SCN11A: variants seen among roughly 807,000 people sequenced by gnomAD.
SCN11A encodes the protein sodium voltage-gated channel alpha subunit 11, also known as sodium channel protein type 11 subunit alpha.
SCN11A carries 122 observed loss-of-function variants against 162.2 expected under a neutral mutation model. The observed-to-expected ratio is 0.75, with a 90% CI of 0.65 to 0.87. SCN11A has a LOEUF of 0.87. Among genes scored for constraint, SCN11A ranks in the 40% least tolerant of loss-of-function variants. SCN11A has a pLI of 0.00. For synonymous variants in SCN11A, 758 were observed against 751.5 expected (o/e 1.01, Z -0.14); for missense variants, 2,015 against 2,181.6 (o/e 0.92, Z 1.52).
At position 38,863,263 on chromosome 3, in the gene SCN11A, T is replaced by C. The variant is rs1553632620; in HGVS notation, c.3988A>G (p.Lys1330Glu). Residue 1330 changes from lysine to glutamate, a missense_variant, in exon 28 of 30, where the codon AAG becomes GAG. Lys to Glu is a moderately conservative substitution (Grantham distance 56). Transcript: ENST00000302328. ...TTTTTCATTGCATTATAGTATTTCT[T>C]CTGTTCTTCTGTCATAAAAATGTCT... ...GQDIFMTEEQ[K>E]KYYNAMKKLG... 6.2e-7 allele frequency: 1 copy of C among 1,606,486 alleles called. No homozygotes were observed. The highest frequency in any genetic ancestry group is 1.3e-5 in the African/African-American group (1 of 74,716).
chr3:38,947,506 G>T (rs976003628), intron 5 of SCN11A, among the ~76,000 whole-genome samples: 1 of 152,214 alleles, frequency 6.6e-6, no homozygotes, highest in African/African-American at 2.4e-5. Context: ...ATTTGGAAAT[G>T]TGTGTGAGTA....
intron 2 of SCN11A, among the ~76,000 whole-genome samples, chr3:38,974,694 C>CAAAAAAAAAAAAAAAAAAAAAAA: frequency 2.1e-5 from 1 of 48,142 alleles, no homozygotes; most frequent in Non-Finnish European, 4.7e-5. Flanking sequence ...GACTCCGTCT[C>CAAAAAAAAAAAAAAAAAAAAAAA]AAAAAAAAAA....
intron 2 of SCN11A, among the ~76,000 whole-genome samples, chr3:38,975,044 C>T (rs185006540): frequency 6.6e-6 from 1 of 150,760 alleles, no homozygotes; most frequent in Admixed American, 6.6e-5. Context: ...TAAAAGAATA[C>T]AGAAATCAGT....
intron 2 of SCN11A, among the ~76,000 whole-genome samples, chr3:39,018,339 C>T (rs71323691): frequency 0.021 from 3,147 of 152,108 alleles, 57 homozygotes; most frequent in Non-Finnish European, 0.029. Context: ...GTCCTGAAAA[C>T]TCCGGGTGTT....
Position 38,909,114 on chromosome 3 carries a change from TAA to T in SCN11A, c.1180_1181del (p.Leu394AsnfsTer10). On this transcript the variant is annotated frameshift_variant, in exon 13 of 30. Coordinates refer to ENST00000302328, the MANE Select transcript of SCN11A (RefSeq NM_001349253.2). LOFTEE classifies it high-confidence loss of function. Reference protein sequence around the residue: ...IFLGSFYLINLTLAVVTMAYE... With the variant: ...IFLGSFYLINXTLAVVTMAYE... ...ATGCCATGGTAACAACAGCCAGGGT[TAA>T]GTTAATCAGGTAGAAGGAGCCCAGG... 6.2e-7 allele frequency: 1 copy of T among 1,614,082 alleles called. No homozygotes were observed. The highest frequency in any genetic ancestry group is 8.5e-7 in the Non-Finnish European group (1 of 1,180,010).
At chr3:38,896,646 T>G (rs940507876) in intron 18 of SCN11A, among the ~76,000 whole-genome samples, 199 bp downstream of exon 18, 4 of 152,170 alleles carry the variant, frequency 2.6e-5, no homozygotes, top group African/African-American at 7.2e-5. Flanking sequence ...ATCAGTCAAA[T>G]GAGTAATATG....
intron 19 of SCN11A, among the ~76,000 whole-genome samples, chr3:38,894,196 C>T (rs1414616562): frequency 6.6e-6 from 1 of 152,078 alleles, no homozygotes; most frequent in Non-Finnish European, 1.5e-5. Flanking sequence ...ACAAACAAAA[C>T]ATGCTATTCA....
intron 20 of SCN11A, 31 bp from the exon 21 acceptor site, chr3:38,885,433 C>T (rs1266106171): frequency 8.2e-7 from 1 of 1,213,002 alleles, no homozygotes; most frequent in East Asian, 2.3e-5. Context: ...AAGGGGGTGC[C>T]TTTTACTAAG....
At chr3:38,928,370 T>TG (rs1330625448) in intron 7 of SCN11A, among the ~76,000 whole-genome samples, 1 of 144,564 alleles carries the variant, frequency 6.9e-6, no homozygotes, top group Non-Finnish European at 1.5e-5. Context: ...TGGGGCCTGT[T>TG]GGGGGTGGGG....
chr3:38,905,359 G>A, intron 14 of SCN11A, 38 bp from the exon 15 acceptor site: 1 of 1,593,726 alleles, frequency 6.3e-7, no homozygotes, highest in Non-Finnish European at 8.5e-7. Flanking sequence ...TAAAGACAGG[G>A]GCTGCCTCTC....
chr3:38,867,206 A>T, intron 27 of SCN11A, 115 bp downstream of exon 27: 1 of 959,908 alleles, frequency 1.0e-6, no homozygotes, highest in Non-Finnish European at 1.6e-6. Context: ...CCTCCTTGTT[A>T]TTGTGCAGAT....
chr3:38,927,769 C>G (rs146079587), intron 7 of SCN11A, among the ~76,000 whole-genome samples: 1 of 152,136 alleles, frequency 6.6e-6, no homozygotes, highest in East Asian at 1.9e-4. Flanking sequence ...TATCAGATCT[C>G]ATGAGAACTC....
At chr3:38,891,165 A>G (rs2065493381) in intron 19 of SCN11A, among the ~76,000 whole-genome samples, 1 of 152,182 alleles carries the variant, frequency 6.6e-6, no homozygotes, top group African/African-American at 2.4e-5. Flanking sequence ...AGGAAATAAA[A>G]GATACTATGA....
rs1243200959 is a variant in SCN11A, at chr3:38,850,503, C to G, written c.4305G>C (p.Val1435=). 1 of 1,613,484 alleles carries G rather than the reference C, an allele frequency of 6.2e-7. No homozygotes were observed. Among genetic ancestry groups the G allele is most frequent in the Non-Finnish European group, 8.5e-7 (1 of 1,179,724 alleles). The part of the protein sequence containing the change: ...FTNGWNLFDC[V]VVLLSIVSTM... ...TACTAACAATGGAAAGAAGCACGAC[C>G]ACACAGTCAAATAAATTCCAGCCAT... The change falls in exon 29 of 30, where the codon GTG becomes GTC. Residue 1435 remains valine (V), a synonymous_variant. Coordinates refer to ENST00000302328, the MANE Select transcript of SCN11A (RefSeq NM_001349253.2).
At chr3:38,936,126 T>C (rs2066327582) in intron 7 of SCN11A, among the ~76,000 whole-genome samples, 1 of 151,590 alleles carries the variant, frequency 6.6e-6, no homozygotes, top group Non-Finnish European at 1.5e-5. Context: ...AACCACATGA[T>C]TATCTCAATA....
At chr3:38,911,681 TCTC>T (rs1204229784) in intron 11 of SCN11A, among the ~76,000 whole-genome samples, 1 of 152,200 alleles carries the variant, frequency 6.6e-6, no homozygotes, top group African/African-American at 2.4e-5. Flanking sequence ...AATTTTCTGT[TCTC>T]TTTTTCCTAC....
intron 2 of SCN11A, among the ~76,000 whole-genome samples, chr3:38,977,683 T>A (rs1270263145): frequency 6.6e-6 from 1 of 152,150 alleles, no homozygotes; most frequent in Non-Finnish European, 1.5e-5. Context: ...GATACCCAAA[T>A]TGGAACATCT....
intron 7 of SCN11A, among the ~76,000 whole-genome samples, chr3:38,936,185 A>G (rs1316465491): frequency 6.6e-6 from 1 of 151,524 alleles, no homozygotes; most frequent in Non-Finnish European, 1.5e-5. Flanking sequence ...CATGCTAAAA[A>G]CTCTCAATAA....
Position 38,902,274 on chromosome 3 carries a change from G to C in SCN11A, c.1842+1591C>G, listed in dbSNP as rs939668386. 5.9e-5 allele frequency among the ~76,000 whole-genome samples: 9 copies of C among 152,148 alleles called. No individual in the cohort carries two copies. The East Asian group carries it at 1.7e-3, about 29-fold the overall frequency. ...AGGATAGCTGAATACATGGCCAGGA[G>C]ACCCTGATCTGTTACAAGCAACTAT... is the stretch of plus-strand genomic sequence containing the variant. On this transcript the variant is annotated intron_variant, in intron 16 of 29. Coordinates refer to ENST00000302328, the MANE Select transcript of SCN11A (RefSeq NM_001349253.2).
Sources: gnomAD v4.1 joint callset for allele counts (sites outside exome capture counted in the v4.1 genomes callset) on GRCh38, gnomAD v4.1.1 for gene constraint, MANE v1.5 for transcripts, NCBI Gene and HGNC (gene_info 2026-07-23, HGNC 2026-07-21) for gene names.